Variants in THRB observed in about 807,000 individuals in gnomAD.
THRB encodes thyroid hormone receptor beta.
THRB carries 12 observed loss-of-function variants against 47.8 expected under a neutral mutation model. The observed-to-expected ratio is 0.25, with a 90% CI of 0.16 to 0.41. The LOEUF is 0.41. Ranked by LOEUF, THRB falls within the 10% of genes least tolerant of loss-of-function variation. The probability of loss-of-function intolerance (pLI) is 1.00; values close to 1 mark genes in which losing one functional copy is unlikely to be tolerated. For missense variants in THRB, 348 were observed against 589.2 expected (o/e 0.59, Z 4.24); for synonymous variants, 218 against 212.2 (o/e 1.03, Z -0.24).
chr3:24,254,785 A>C (rs976088791), intron 3 of THRB, among the ~76,000 whole-genome samples: 6 of 152,214 alleles, frequency 3.9e-5, no homozygotes, highest in African/African-American at 1.4e-4. Context: ...TGTGCCAAAC[A>C]TAACCAGCAC....
At chr3:24,182,714 C>T (rs921352612) in intron 5 of THRB, among the ~76,000 whole-genome samples, 9 of 152,138 alleles carry the variant, frequency 5.9e-5, no homozygotes, top group African/African-American at 9.7e-5. Flanking sequence ...ATTTTACAGA[C>T]GAGAAAACTG....
At chr3:24,267,053 A>T (rs1397562538) in intron 3 of THRB, among the ~76,000 whole-genome samples, 1 of 149,222 alleles carries the variant, frequency 6.7e-6, no homozygotes, top group Non-Finnish European at 1.5e-5. Context: ...ATAAGATTAA[A>T]AGAAGATTAT....
Position 24,238,290 on chromosome 3 carries a change from G to T in THRB, c.-42-9289C>A, listed in dbSNP as rs75981189. ...GTGTGTGTGTGTGTGGGGGGGGGGG[G>T]GGTGTGTGGGGTGTGTGTGTGATGA... On this transcript the variant is annotated intron_variant, in intron 3 of 10. Coordinates refer to ENST00000646209, the MANE Select transcript of THRB (RefSeq NM_001354712.2). Among the ~76,000 whole-genome samples, 17 of 123,856 alleles carry T rather than the reference G, an allele frequency of 1.4e-4. No homozygotes were observed. In the South Asian group the frequency reaches 2.7e-3, roughly 20 times the overall value. 81.3% of individuals were successfully genotyped at this position (123,856 alleles called of 152,430 possible).
At chr3:24,346,179 A>AAATGTGAGAC (rs2063002232) in intron 1 of THRB, among the ~76,000 whole-genome samples, 1 of 152,144 alleles carries the variant, frequency 6.6e-6, no homozygotes, top group African/African-American at 2.4e-5. Flanking sequence ...ACTAGAATTG[A>AAATGTGAGAC]AATGTGAGAC....
intron 6 of THRB, among the ~76,000 whole-genome samples, chr3:24,151,324 A>T (rs60588753): frequency 0.014 from 2,110 of 152,268 alleles, 46 homozygotes; most frequent in African/African-American, 0.047. Context: ...CTGAGCTAAC[A>T]TGTTGATTTG....
chr3:24,139,377 T>C (rs1338783071), intron 8 of THRB, among the ~76,000 whole-genome samples: 1 of 129,906 alleles, frequency 7.7e-6, no homozygotes, highest in African/African-American at 2.9e-5. Context: ...TTTCTTTCTT[T>C]TTCTTTTCTT....
chr3:24,433,322 T>C (rs1369005469), intron 1 of THRB, among the ~76,000 whole-genome samples: 1 of 152,100 alleles, frequency 6.6e-6, no homozygotes, highest in African/African-American at 2.4e-5. Flanking sequence ...GGTGGCCCAG[T>C]ATGGTCATAA....
At position 24,156,700 on chromosome 3, in the gene THRB, G is replaced by A. The variant is rs527416775; in HGVS notation, c.284-4210C>T. Among the ~76,000 whole-genome samples the A allele has an allele frequency of 1.3e-4, 20 of 152,224 alleles. 1 individual carries two copies. In the South Asian group the frequency reaches 4.2e-3, roughly 32 times the overall value. On this transcript the variant is annotated intron_variant, in intron 5 of 10. Transcript: ENST00000646209. ...CCAGTAGGTATCTGATCTTGGGACG[G>A]GATAGAGGATGAGACTGTATTTTGT... is the stretch of plus-strand genomic sequence containing the variant.
intron 3 of THRB, among the ~76,000 whole-genome samples, chr3:24,231,989 C>G (rs568855529): frequency 6.6e-6 from 1 of 152,124 alleles, no homozygotes; most frequent in Non-Finnish European, 1.5e-5. Flanking sequence ...GGGGTGGCTA[C>G]GCTAATGAAG....
intron 7 of THRB, 80 bp from the exon 8 acceptor site, chr3:24,143,786 G>A (rs2035751841): frequency 1.4e-6 from 2 of 1,454,596 alleles, no homozygotes; most frequent in Admixed American, 1.7e-5. Context: ...GGAGCCTCAG[G>A]AGTGGGACCA....
intron 4 of THRB, among the ~76,000 whole-genome samples, chr3:24,197,503 T>C (rs1013821724): frequency 6.6e-6 from 1 of 152,230 alleles, no homozygotes; most frequent in African/African-American, 2.4e-5. Context: ...CCTTGTATCA[T>C]GTAAATGGTA....
chr3:24,484,907 C>T (rs1391706281), intron 1 of THRB, among the ~76,000 whole-genome samples: 2 of 152,206 alleles, frequency 1.3e-5, no homozygotes, highest in Non-Finnish European at 2.9e-5. Flanking sequence ...AGCCAAGAGA[C>T]TTGTCCAGAA....
intron 5 of THRB, among the ~76,000 whole-genome samples, chr3:24,167,962 G>C (rs1199581201): frequency 6.6e-6 from 1 of 152,122 alleles, no homozygotes; most frequent in South Asian, 2.1e-4. Flanking sequence ...TTTACTAAAC[G>C]TCAGAAAGGT....
intron 1 of THRB, among the ~76,000 whole-genome samples, chr3:24,446,053 G>A (rs1372104102): frequency 2.0e-5 from 3 of 152,132 alleles, no homozygotes; most frequent in African/African-American, 7.2e-5. Context: ...AAATGTTACA[G>A]CAGCTATCTC....
chr3:24,303,248 C>T (rs746315455), intron 2 of THRB, among the ~76,000 whole-genome samples: 56 of 152,160 alleles, frequency 3.7e-4, no homozygotes, highest in Non-Finnish European at 6.3e-4. Flanking sequence ...TGAATCTTTG[C>T]TGTGAATCTT....
chr3:24,170,414 C>T (rs922438300), intron 5 of THRB, among the ~76,000 whole-genome samples: 2 of 152,148 alleles, frequency 1.3e-5, no homozygotes, highest in African/African-American at 4.8e-5. Context: ...GACACAGCCA[C>T]CAAAGAGTGA....
intron 1 of THRB, among the ~76,000 whole-genome samples, chr3:24,366,368 G>A (rs1362389840): frequency 6.6e-6 from 1 of 152,052 alleles, no homozygotes; most frequent in Non-Finnish European, 1.5e-5. Context: ...CTACTTCATC[G>A]TTACCCCCAT....
intron 4 of THRB, among the ~76,000 whole-genome samples, chr3:24,225,839 A>AT (rs938245596): frequency 5.4e-4 from 82 of 152,026 alleles, no homozygotes; most frequent in African/African-American, 1.6e-3. Flanking sequence ...TAAGAATTGT[A>AT]TTTTTTTTCT....
intron 3 of THRB, among the ~76,000 whole-genome samples, chr3:24,259,871 T>C (rs1354448874): frequency 1.3e-5 from 2 of 152,160 alleles, no homozygotes; most frequent in Admixed American, 6.5e-5. Context: ...TGTGTGTGTA[T>C]GTAAGTTTTA....
Sources: allele counts gnomAD v4.1 joint callset (sites outside exome capture counted in the v4.1 genomes callset), GRCh38; gene constraint gnomAD v4.1.1; transcripts MANE v1.5; gene names NCBI Gene and HGNC (gene_info 2026-07-23, HGNC 2026-07-21).